EPS8: variants seen among roughly 807,000 people sequenced by gnomAD.
EPS8 encodes epidermal growth factor receptor kinase substrate 8.
In EPS8, 42 loss-of-function variants were observed where a neutral mutation model predicts 103.8. That is an observed-to-expected ratio of 0.40 (90% CI 0.32 to 0.52). The LOEUF (loss-of-function observed/expected upper bound fraction) is 0.52. EPS8 is among the 20% of genes least tolerant of loss of function. The probability of loss-of-function intolerance (pLI) is 0.40; values close to 1 mark genes in which losing one functional copy is unlikely to be tolerated. For missense variants in EPS8, 969 were observed against 1,005.1 expected (o/e 0.96, Z 0.49); for synonymous variants, 344 against 344.6 (o/e 1.00, Z 0.02).
intron 1 of EPS8, among the ~76,000 whole-genome samples, chr12:15,788,890 C>T (rs754599840): frequency 2.6e-5 from 4 of 152,126 alleles, no homozygotes; most frequent in Non-Finnish European, 4.4e-5. Context: ...CACTGGGCCA[C>T]GGCGAACCCT....
intron 15 of EPS8, among the ~76,000 whole-genome samples, chr12:15,642,731 T>A (rs1945253848): frequency 6.6e-6 from 1 of 152,210 alleles, no homozygotes; most frequent in South Asian, 2.1e-4. Context: ...CTAAAGATGT[T>A]AGGTCATCCT....
intron 3 of EPS8, among the ~76,000 whole-genome samples, chr12:15,673,011 A>G (rs1180330641): frequency 6.6e-6 from 1 of 152,254 alleles, no homozygotes; most frequent in African/African-American, 2.4e-5. Flanking sequence ...CTATTTAGAT[A>G]TTCTCATTAT....
chr12:15,641,000 A>C (rs899569236), intron 16 of EPS8, among the ~76,000 whole-genome samples, 154 bp from the exon 17 acceptor site: 1 of 151,568 alleles, frequency 6.6e-6, no homozygotes, highest in African/African-American at 2.4e-5. Context: ...GAATTACACT[A>C]AGAAGACATT....
chr12:15,631,622 G>C lies in EPS8; in HGVS notation c.1864C>G (p.Pro622Ala), dbSNP rs1257768219. ...EYGPRPADTPPAPSPPPTPAP... is the reference protein window; with the variant it reads ...EYGPRPADTPAAPSPPPTPAP... Reference sequence around the variant, plus strand: ...GGTGTTGGAGGAGGTGATGGAGCAGGGGGAGTATCAGCTGGTCTTGGGCCA... The same window carrying C: ...GGTGTTGGAGGAGGTGATGGAGCAGCGGGAGTATCAGCTGGTCTTGGGCCA... Residue 622 changes from proline to alanine, a missense_variant, in exon 18 of 21, where the codon CCT becomes GCT. Transcript: ENST00000281172. 1 of 1,613,862 alleles carries C rather than the reference G, an allele frequency of 6.2e-7. No individual in the cohort carries two copies.
At position 15,767,136 on chromosome 12, in the gene EPS8, A is replaced by G. The variant is rs1225679296; in HGVS notation, c.-22+22025T>C. Reference sequence around the variant, plus strand: ...ATAGCACCTAAGAACAAGAGATTGCATGACTACTTCTAATATTCTACTCAA... The same window carrying G: ...ATAGCACCTAAGAACAAGAGATTGCGTGACTACTTCTAATATTCTACTCAA... On this transcript the variant is annotated intron_variant, in intron 1 of 20. Transcript: ENST00000281172. This position sits in a 1 kb window ranked among gnomAD's most constrained non-coding sequence, Gnocchi z 5.5. 1.3e-5 allele frequency among the ~76,000 whole-genome samples: 2 copies of G among 152,242 alleles called. No homozygotes were observed. Among genetic ancestry groups the G allele is most frequent in the African/African-American group, 4.8e-5 (2 of 41,466 alleles).
At position 15,649,565 on chromosome 12, in the gene EPS8, T is replaced by C. The variant is rs188960556; in HGVS notation, c.1434+1258A>G. ...GCAGTGAGGTCATCTTAATTATTCA[T>C]TTAGAGGGAAAGACAGGCATGGAAT... On this transcript the variant is annotated intron_variant, in intron 14 of 20. Coordinates refer to ENST00000281172, the MANE Select transcript of EPS8 (RefSeq NM_004447.6). Among the ~76,000 whole-genome samples, 34 of 152,236 alleles carry C rather than the reference T, an allele frequency of 2.2e-4. No homozygotes were observed. The East Asian group carries it at 6.2e-3, about 28-fold the overall frequency.
Position 15,650,827 on chromosome 12 carries a change from G to A in EPS8, c.1430C>T (p.Thr477Ile). ...QRKQEIKRLS[T>I]EHSSVSEYHP... The stretch of plus-strand genomic sequence containing the variant: ...CAATGTTAAAAAAAAAACTACCTCT[G>A]TGGATAATCTTTTTATTTCCTGTTT... Residue 477 changes from threonine to isoleucine, a missense_variant, in exon 14 of 21, where the codon ACA (threonine) becomes ATA (isoleucine). Coordinates refer to ENST00000281172, the MANE Select transcript of EPS8 (RefSeq NM_004447.6). 1.9e-6 allele frequency: 3 copies of A among 1,612,914 alleles called. No homozygotes were observed. Among genetic ancestry groups the A allele is most frequent in the African/African-American group, 1.3e-5 (1 of 75,010 alleles).
chr12:15,756,146 G>C (rs1418567334), intron 1 of EPS8, among the ~76,000 whole-genome samples: 1 of 152,070 alleles, frequency 6.6e-6, no homozygotes, highest in African/African-American at 2.4e-5. Flanking sequence ...AGTTACTTAG[G>C]AAAAAATGTT....
In EPS8 at chr12:15,764,170, G is replaced by A. The variant is rs1947070059; in HGVS notation, c.-22+24991C>T. 6.6e-6 allele frequency among the ~76,000 whole-genome samples: 1 copy of A among 152,174 alleles called. No homozygotes were observed. Among genetic ancestry groups the A allele is most frequent in the Admixed American group, 6.5e-5 (1 of 15,276 alleles). On this transcript the variant is annotated intron_variant, in intron 1 of 20. Coordinates refer to ENST00000281172, the MANE Select transcript of EPS8 (RefSeq NM_004447.6). This position sits in a 1 kb window ranked among gnomAD's most constrained non-coding sequence, Gnocchi z 4.1. ...GGTAGCAGGCAAGAGAGCATATGCAGGGGAACTCCCCTTTATAAAACCATC... is the reference window on the plus strand; with the variant it reads ...GGTAGCAGGCAAGAGAGCATATGCAAGGGAACTCCCCTTTATAAAACCATC...
intron 3 of EPS8, among the ~76,000 whole-genome samples, chr12:15,677,246 T>A (rs895399815): frequency 6.6e-6 from 1 of 152,216 alleles, no homozygotes; most frequent in Non-Finnish European, 1.5e-5. Context: ...ACAGAATTAT[T>A]ATCATTTTTA....
intron 11 of EPS8, 134 bp downstream of exon 11, chr12:15,658,363 C>A (rs1462210742): frequency 1.4e-6 from 1 of 722,608 alleles, no homozygotes; most frequent in Non-Finnish European, 2.3e-6. Context: ...TAACTGAAGG[C>A]AAATCAAAAC....
intron 1 of EPS8, among the ~76,000 whole-genome samples, chr12:15,774,637 A>G (rs4537815): frequency 0.026 from 3,771 of 147,658 alleles, 79 homozygotes; most frequent in Non-Finnish European, 0.04. Context: ...ATAAATATAC[A>G]TACATACATA....
rs1033106347 is a variant in EPS8, at chr12:15,745,083, G to A, written c.-22+44078C>T. The stretch of plus-strand genomic sequence containing the variant: ...TCACCACGTTGGACAGGATGGTCTC[G>A]ATCTCCTGACCTCGTGATCCACCCA... On this transcript the variant is annotated intron_variant, in intron 1 of 20. Coordinates refer to ENST00000281172, the MANE Select transcript of EPS8 (RefSeq NM_004447.6). The surrounding 1 kb of genome is among the most constrained non-coding windows in gnomAD (Gnocchi z 4.6). Among the ~76,000 whole-genome samples the A allele has an allele frequency of 3.3e-5, 5 of 152,004 alleles. No individual in the cohort carries two copies. Among genetic ancestry groups the A allele is most frequent in the East Asian group, 1.9e-4 (1 of 5,178 alleles).
At chr12:15,719,800 T>A (rs151153065) in intron 1 of EPS8, among the ~76,000 whole-genome samples, 63 of 152,336 alleles carry the variant, frequency 4.1e-4, no homozygotes, top group African/African-American at 1.4e-3. Context: ...TAATCTTTAT[T>A]TAGATTATAG....
intron 8 of EPS8, among the ~76,000 whole-genome samples, chr12:15,664,674 T>C (rs1945676666): frequency 6.6e-6 from 1 of 152,170 alleles, no homozygotes; most frequent in African/African-American, 2.4e-5. Flanking sequence ...AAATGAGTTA[T>C]ATCGTTTAAC....
intron 1 of EPS8, among the ~76,000 whole-genome samples, chr12:15,692,305 T>C (rs1946183676): frequency 6.8e-6 from 1 of 147,448 alleles, no homozygotes; most frequent in South Asian, 2.3e-4. Context: ...AAATTGTAGA[T>C]TGAAAGAGGT....
intron 15 of EPS8, among the ~76,000 whole-genome samples, chr12:15,643,601 CGGT>C (rs1945268591): frequency 6.6e-6 from 1 of 151,862 alleles, no homozygotes; most frequent in Non-Finnish European, 1.5e-5. Context: ...TAGCTGGGCA[CGGT>C]GGCACATGCC....
At position 15,663,944 on chromosome 12, in the gene EPS8, A is replaced by ATAATAAT. The variant is rs1264237107; in HGVS notation, c.736+1811_736+1812insATTATTA. Among the ~76,000 whole-genome samples, 348 of 85,928 alleles carry ATAATAAT rather than the reference A, an allele frequency of 4.0e-3. 8 individuals carry two copies. Among genetic ancestry groups the ATAATAAT allele is most frequent in the African/African-American group, 1.0e-2 (221 of 22,158 alleles). 56.4% of individuals were successfully genotyped at this position (85,928 alleles called of 152,430 possible). A position where few individuals can be genotyped will look rare whatever the true frequency, so the allele number is the denominator to read the frequency against. ...TCAAAAAAAAAAAAAAAAAAAAAAA[A>ATAATAAT]AATAATATATATATATATATATATA... On this transcript the variant is annotated intron_variant, in intron 8 of 20. Coordinates refer to ENST00000281172, the MANE Select transcript of EPS8 (RefSeq NM_004447.6).
In EPS8 at chr12:15,624,262, C is replaced by A. The variant is rs758138606; in HGVS notation, c.2190G>T (p.Val730=). 2.5e-6 allele frequency: 4 copies of A among 1,613,718 alleles called. No homozygotes were observed. The highest frequency in any genetic ancestry group is 2.5e-6 in the Non-Finnish European group (3 of 1,179,948). Residue 730 remains valine (V), a synonymous_variant, in exon 19 of 21, where the codon GTG becomes GTT. Coordinates refer to ENST00000281172, the MANE Select transcript of EPS8 (RefSeq NM_004447.6). ...ATCCCTTTGACTGTAACCACGTCTTCACATCCTCTGGTGTGGAGTCGTAAG... is the reference window on the plus strand; with the variant it reads ...ATCCCTTTGACTGTAACCACGTCTTAACATCCTCTGGTGTGGAGTCGTAAG... ...NITYDSTPED[V]KTWLQSKGFN...
Sources: allele counts gnomAD v4.1 joint callset (sites outside exome capture counted in the v4.1 genomes callset), GRCh38; gene constraint gnomAD v4.1.1; non-coding constraint Gnocchi (gnomAD v3.1); transcripts MANE v1.5; gene names NCBI Gene and HGNC (gene_info 2026-07-23, HGNC 2026-07-21).